Variants in PIAS1 observed in about 807,000 individuals in gnomAD.
The protein encoded by PIAS1 is E3 SUMO-protein ligase PIAS1.
PIAS1 carries 6 observed loss-of-function variants against 71.3 expected under a neutral mutation model. That is an observed-to-expected ratio of 0.08 (90% confidence interval 0.05 to 0.17). The LOEUF is 0.17. PIAS1 is among the 10% of genes least tolerant of loss of function. PIAS1 has a pLI of 1.00. For missense variants in PIAS1, 555 were observed against 793.6 expected (o/e 0.70, Z 3.61); for synonymous variants, 303 against 292.9 (o/e 1.03, Z -0.35).
At chr15:68,070,540 A>G (rs2092083643) in intron 1 of PIAS1, among the ~76,000 whole-genome samples, 1 of 152,206 alleles carries the variant, frequency 6.6e-6, no homozygotes, top group African/African-American at 2.4e-5. Flanking sequence ...AGTGAATGAC[A>G]GGATGACCTA....
chr15:68,186,171 A>T lies in PIAS1; in HGVS notation c.1663-1371A>T, dbSNP rs1207949424. Among the ~76,000 whole-genome samples, 1 of 152,164 alleles carries T rather than the reference A, an allele frequency of 6.6e-6. No individual in the cohort carries two copies. Among genetic ancestry groups the T allele is most frequent in the Non-Finnish European group, 1.5e-5 (1 of 68,030 alleles). On this transcript the variant is annotated intron_variant, in intron 13 of 13. Coordinates refer to ENST00000249636, the MANE Select transcript of PIAS1 (RefSeq NM_016166.3). This position sits in a 1 kb window ranked among gnomAD's most constrained non-coding sequence, Gnocchi z 4.4. ...GGTCCTTCAGTGGGTGTTCCAGAAG[A>T]TTGTTGTCATAGCAAATGACAGCTC... is the stretch of plus-strand genomic sequence containing the variant.
intron 1 of PIAS1, among the ~76,000 whole-genome samples, chr15:68,067,711 TA>T (rs1169486996): frequency 6.6e-6 from 1 of 151,958 alleles, no homozygotes; most frequent in Non-Finnish European, 1.5e-5. Flanking sequence ...GTTGCTTTTT[TA>T]AAAAAAATTA....
intron 1 of PIAS1, among the ~76,000 whole-genome samples, chr15:68,063,983 A>G (rs576784476): frequency 1.3e-5 from 2 of 152,210 alleles, no homozygotes; most frequent in African/African-American, 2.4e-5. Flanking sequence ...TTGTATCTCA[A>G]TCCTTGAGTA....
At chr15:68,105,787 A>G (rs560827439) in intron 2 of PIAS1, among the ~76,000 whole-genome samples, 2 of 152,336 alleles carry the variant, frequency 1.3e-5, no homozygotes, top group East Asian at 3.9e-4. Context: ...CCTGGGCAAC[A>G]TAGCAAAACG....
At chr15:68,135,135 T>G (rs1246281281) in intron 2 of PIAS1, among the ~76,000 whole-genome samples, 66 of 24,590 alleles carry the variant, frequency 2.7e-3, no homozygotes, top group East Asian at 3.2e-3. Flanking sequence ...GCGGCTGGCC[T>G]GGCGGGGGCT....
intron 1 of PIAS1, among the ~76,000 whole-genome samples, chr15:68,081,525 A>C (rs1415356708): frequency 6.6e-6 from 1 of 152,184 alleles, no homozygotes; most frequent in Non-Finnish European, 1.5e-5. Flanking sequence ...AGGGAGAAGA[A>C]GAAAACAACA....
chr15:68,062,873 A>G (rs752872360), intron 1 of PIAS1, among the ~76,000 whole-genome samples: 2 of 152,176 alleles, frequency 1.3e-5, no homozygotes, highest in Non-Finnish European at 2.9e-5. Context: ...AGATCTTTCC[A>G]TGACATGTCC....
chr15:68,065,139 C>T (rs748106180), intron 1 of PIAS1, among the ~76,000 whole-genome samples: 3 of 151,476 alleles, frequency 2.0e-5, no homozygotes, highest in Admixed American at 6.6e-5. Flanking sequence ...AGTTTTTTTG[C>T]GGGGGGGATG....
At chr15:68,117,196 T>A (rs1567048939) in intron 2 of PIAS1, among the ~76,000 whole-genome samples, 2 of 152,240 alleles carry the variant, frequency 1.3e-5, no homozygotes, top group South Asian at 2.1e-4. Context: ...CAAGTATTTC[T>A]CCTCCCTCAG....
chr15:68,087,617 C>G (rs1159522314), intron 2 of PIAS1, among the ~76,000 whole-genome samples: 1 of 151,892 alleles, frequency 6.6e-6, no homozygotes, highest in Admixed American at 6.6e-5. Flanking sequence ...AGGAAAGAAA[C>G]AAAAACAAAG....
At position 68,178,916 on chromosome 15, in the gene PIAS1, T is replaced by C. The variant is rs2093036237; in HGVS notation, c.1481+2262T>C. ...TAAAATAAATAATGTTTATTATGTT[T>C]GGAAAATTACATTAAATGCATTAAG... On this transcript the variant is annotated intron_variant, in intron 11 of 13. Coordinates refer to ENST00000249636, the MANE Select transcript of PIAS1 (RefSeq NM_016166.3). The surrounding 1 kb of genome is among the most constrained non-coding windows in gnomAD (Gnocchi z 4.2). Among the ~76,000 whole-genome samples, 1 of 152,220 alleles carries C rather than the reference T, an allele frequency of 6.6e-6. No homozygotes were observed. Among genetic ancestry groups the C allele is most frequent in the African/African-American group, 2.4e-5 (1 of 41,458 alleles).
Position 68,187,036 on chromosome 15 carries a change from A to C in PIAS1, c.1663-506A>C, listed in dbSNP as rs1219666766. On this transcript the variant is annotated intron_variant, in intron 13 of 13. Transcript: ENST00000249636. The surrounding 1 kb of genome is among the most constrained non-coding windows in gnomAD (Gnocchi z 5.3). ...AAATTTCCTTGGAAAACTTAGAGTA[A>C]TCATACCCATTATCATTATGGCTTT... Among the ~76,000 whole-genome samples, 1 of 152,244 alleles carries C rather than the reference A, an allele frequency of 6.6e-6. No homozygotes were observed. Among genetic ancestry groups the C allele is most frequent in the Non-Finnish European group, 1.5e-5 (1 of 68,036 alleles).
At chr15:68,157,736 C>T (rs1262231562) in intron 7 of PIAS1, among the ~76,000 whole-genome samples, 2 of 152,144 alleles carry the variant, frequency 1.3e-5, no homozygotes, top group Non-Finnish European at 1.5e-5. Context: ...CTTTTCTACG[C>T]ACCCTTATGG....
intron 11 of PIAS1, among the ~76,000 whole-genome samples, chr15:68,179,564 C>CTTTTTTGTTTTTTTTTTTT (rs2093040236): frequency 2.5e-5 from 1 of 40,094 alleles, no homozygotes; most frequent in Non-Finnish European, 4.4e-5. Context: ...GTGAAATGTT[C>CTTTTTTGTTTTTTTTTTTT]TTTTTTTTTT....
In PIAS1 at chr15:68,142,411, G is replaced by A. The variant is rs550790365; in HGVS notation, c.602+74G>A. 1.9e-5 allele frequency: 22 copies of A among 1,139,526 alleles called. No homozygotes were observed. In the African/African-American group the frequency reaches 3.0e-4, roughly 16 times the overall value. 70.6% of individuals were successfully genotyped at this position (1,139,526 alleles called of 1,614,324 possible). A position where few individuals can be genotyped will look rare whatever the true frequency, so the allele number is the denominator to read the frequency against. ...CTTTTCACAGTACGGGTCCAGTTAA[G>A]GTACAGTGCTGACTGTAGGATATAT... On this transcript the variant is annotated intron_variant, in intron 4 of 13. Transcript: ENST00000249636.
rs2093122401 is a variant in PIAS1, at chr15:68,191,962, AT to A, written c.*4130del. The A allele has an allele frequency of 6.6e-6, 1 of 152,342 alleles. No individual in the cohort carries two copies. The highest frequency in any genetic ancestry group is 6.5e-5 in the Admixed American group (1 of 15,308). The allele number at this position is 152,342 out of a possible 1,614,324, so 9.4% of individuals were successfully genotyped here. On this transcript the variant is annotated 3_prime_UTR_variant, in exon 14 of 14. Coordinates refer to ENST00000249636, the MANE Select transcript of PIAS1 (RefSeq NM_016166.3). The stretch of plus-strand genomic sequence containing the variant: ...CAACTGTGTGTTTTTGGCAAGTTAT[AT>A]TTCAGATTCCTGTTAGGCAAATGAG...
Position 68,179,583 on chromosome 15 carries a change from T to TTTTTTTTTTTTTTTTTTTTTTTTTTTTTC in PIAS1, c.1482-1620_1482-1619insTTTTTTTTTTTTTTTTTTTCTTTTTTTTT, listed in dbSNP as rs2093041032. ...AATGTTCTTTTTTTTTTTTTTTTTT[T>TTTTTTTTTTTTTTTTTTTTTTTTTTTTTC]TTTTTTTTTGAGACAGAGTTTCACT... On this transcript the variant is annotated intron_variant, in intron 11 of 13. Transcript: ENST00000249636. Among the ~76,000 whole-genome samples, 2 of 121,346 alleles carry TTTTTTTTTTTTTTTTTTTTTTTTTTTTTC rather than the reference T, an allele frequency of 1.6e-5. 1 individual carries two copies. Among genetic ancestry groups the TTTTTTTTTTTTTTTTTTTTTTTTTTTTTC allele is most frequent in the Non-Finnish European group, 3.3e-5 (2 of 59,780 alleles). 79.6% of individuals were successfully genotyped at this position (121,346 alleles called of 152,430 possible).
intron 6 of PIAS1, among the ~76,000 whole-genome samples, chr15:68,149,093 T>G (rs1401903408): frequency 6.6e-6 from 1 of 152,082 alleles, no homozygotes; most frequent in African/African-American, 2.4e-5. Flanking sequence ...TTTGTTTTTG[T>G]TTTGTTTTGT....
chr15:68,177,430 A>G (rs778946034), intron 11 of PIAS1, among the ~76,000 whole-genome samples: 24 of 152,230 alleles, frequency 1.6e-4, no homozygotes, highest in Non-Finnish European at 2.8e-4. Context: ...AGTGGAAAGC[A>G]GAGGAAGACC....
Sources: allele counts gnomAD v4.1 joint callset (sites outside exome capture counted in the v4.1 genomes callset), GRCh38; gene constraint gnomAD v4.1.1; non-coding constraint Gnocchi (gnomAD v3.1); transcripts MANE v1.5; gene names NCBI Gene and HGNC (gene_info 2026-07-23, HGNC 2026-07-21).